The following TM4SF5 variants were observed in gnomAD, a reference collection of about 807,000 sequenced individuals.
TM4SF5 encodes the protein transmembrane 4 L six family member 5.
A neutral mutation model predicts 22.3 loss-of-function variants in TM4SF5; 16 were observed. The ratio of observed to expected loss-of-function variants is 0.72; its 90% CI spans 0.49 to 1.09. TM4SF5 has a LOEUF of 1.09. TM4SF5 is among the 50% of genes least tolerant of loss of function. The pLI is 0.00. For synonymous variants in TM4SF5, 113 were observed against 109.6 expected, an observed-to-expected ratio of 1.03 and a Z score of -0.19; for missense variants, 249 against 266.1, an observed-to-expected ratio of 0.94 and a Z score of 0.45.
chr17:4,776,111 A>G (rs570348575), intron 1 of TM4SF5, among the ~76,000 whole-genome samples: 39 of 151,740 alleles, frequency 2.6e-4, no homozygotes, highest in African/African-American at 9.2e-4. Flanking sequence ...GGCCTCCCCA[A>G]GTGCTGGGAT....
intron 1 of TM4SF5, among the ~76,000 whole-genome samples, chr17:4,773,107 G>T (rs977828837): frequency 6.6e-6 from 1 of 152,040 alleles, no homozygotes; most frequent in Non-Finnish European, 1.5e-5. Context: ...GTTTCGCCAC[G>T]TTGGCTAGGC....
intron 1 of TM4SF5, among the ~76,000 whole-genome samples, chr17:4,772,336 G>T (rs117027391): frequency 6.6e-6 from 1 of 152,154 alleles, no homozygotes; most frequent in Non-Finnish European, 1.5e-5. Context: ...CTCCCCTACC[G>T]GGTAGGGAGC....
chr17:4,782,288 A>G (rs1376147712), intron 2 of TM4SF5, among the ~76,000 whole-genome samples: 1 of 151,940 alleles, frequency 6.6e-6, no homozygotes, highest in African/African-American at 2.4e-5. Context: ...CATGTTGGCC[A>G]GGCTGGTCTT....
intron 1 of TM4SF5, among the ~76,000 whole-genome samples, chr17:4,779,685 C>T (rs965812935): frequency 3.3e-5 from 5 of 152,132 alleles, no homozygotes; most frequent in African/African-American, 1.2e-4. Flanking sequence ...ATTTTTTCCA[C>T]TGATGGAGAC....
At chr17:4,780,660 G>C in intron 1 of TM4SF5, 129 bp from the exon 2 acceptor site, 1 of 610,760 alleles carries the variant, frequency 1.6e-6, no homozygotes, top group Non-Finnish European at 2.8e-6. Flanking sequence ...GAGACGTAGA[G>C]ATAAGGTCTT....
At chr17:4,776,288 T>TTTG (rs1017263243) in intron 1 of TM4SF5, among the ~76,000 whole-genome samples, 1 of 151,848 alleles carries the variant, frequency 6.6e-6, no homozygotes, top group African/African-American at 2.4e-5. Flanking sequence ...TGTTTGTTTG[T>TTTG]TTTTTTGCTT....
intron 1 of TM4SF5, among the ~76,000 whole-genome samples, chr17:4,774,482 T>C (rs920810745): frequency 7.5e-5 from 11 of 147,556 alleles, no homozygotes; most frequent in Admixed American, 2.0e-4. Context: ...AAATGAAAGA[T>C]TGCAGTGAGC....
intron 1 of TM4SF5, among the ~76,000 whole-genome samples, chr17:4,779,061 A>G (rs928655800): frequency 1.3e-5 from 2 of 151,790 alleles, no homozygotes; most frequent in Non-Finnish European, 2.9e-5. Flanking sequence ...GTCTCAAAAA[A>G]AAAAAAAAAA....
intron 3 of TM4SF5, 48 bp downstream of exon 3, chr17:4,782,687 C>T: frequency 6.2e-7 from 1 of 1,606,872 alleles, no homozygotes; most frequent in Non-Finnish European, 8.5e-7. Flanking sequence ...CCTCTTCCCT[C>T]CCGCCCTTCC....
intron 1 of TM4SF5, among the ~76,000 whole-genome samples, chr17:4,773,852 T>C (rs951000357): frequency 3.3e-5 from 5 of 152,118 alleles, no homozygotes; most frequent in Non-Finnish European, 7.3e-5. Context: ...CGGAGCTCCC[T>C]GAGTCTGCCT....
intron 1 of TM4SF5, among the ~76,000 whole-genome samples, chr17:4,774,002 G>A (rs1250183224): frequency 1.3e-5 from 2 of 152,192 alleles, no homozygotes; most frequent in African/African-American, 4.8e-5. Context: ...AATCACCTGA[G>A]GTCAGGAGTT....
chr17:4,774,631 G>A (rs1917175569), intron 1 of TM4SF5, among the ~76,000 whole-genome samples: 1 of 152,204 alleles, frequency 6.6e-6, no homozygotes, highest in Admixed American at 6.5e-5. Context: ...CCATCGGCCG[G>A]GCGCAGTGGC....
At chr17:4,774,165 T>C (rs1787590846) in intron 1 of TM4SF5, among the ~76,000 whole-genome samples, 3 of 152,182 alleles carry the variant, frequency 2.0e-5, no homozygotes, top group Non-Finnish European at 4.4e-5. Flanking sequence ...TGAGGCGAGA[T>C]TGCGCCATTG....
chr17:4,783,167 G>GCCGCCT lies in TM4SF5; in HGVS notation c.*39_*40insCCGCCT. On this transcript the variant is annotated 3_prime_UTR_variant, in exon 5 of 5. Transcript: ENST00000270560. ...GCCGGGTTACACCTGCTCCTTCCTG[G>GCCGCCT]ACGCTCACTCCCTTGCTCGCTAGAA... 6.4e-7 allele frequency: 1 copy of GCCGCCT among 1,555,434 alleles called. No individual in the cohort carries two copies. The highest frequency in any genetic ancestry group is 1.1e-5 in the South Asian group (1 of 87,908).
At position 4,782,491 on chromosome 17, in the gene TM4SF5, C is replaced by T. The variant is rs186954545; in HGVS notation, c.259-12C>T. 2,280 of 1,613,796 alleles carry T rather than the reference C, an allele frequency of 1.4e-3. 19 individuals carry two copies. Among genetic ancestry groups the T allele is most frequent in the Non-Finnish European group, 3.3e-4 (384 of 1,179,888 alleles). ...AGATTGGGCCTTACCTCCCCTTCCA[C>T]ACCACATCCAGATGCTGCGCTCGGT... is the stretch of plus-strand genomic sequence containing the variant. On this transcript the variant is annotated splice_polypyrimidine_tract_variant and intron_variant, in intron 2 of 4. Transcript: ENST00000270560.
chr17:4,783,206 G>T lies in TM4SF5; in HGVS notation c.*78G>T. The T allele has an allele frequency of 1.3e-6, 2 of 1,591,036 alleles. No individual in the cohort carries two copies. Among genetic ancestry groups the T allele is most frequent in the South Asian group, 1.1e-5 (1 of 89,968 alleles). On this transcript the variant is annotated 3_prime_UTR_variant, in exon 5 of 5. Coordinates refer to ENST00000270560, the MANE Select transcript of TM4SF5 (RefSeq NM_003963.3). The stretch of plus-strand genomic sequence containing the variant: ...TGCTCGCTAGAATAAACTGCTTTGC[G>T]CTCTCTTCTCTGTCTGAGATTGTGC...
At chr17:4,778,276 C>T (rs1373451738) in intron 1 of TM4SF5, among the ~76,000 whole-genome samples, 1 of 152,004 alleles carries the variant, frequency 6.6e-6, no homozygotes, top group African/African-American at 2.4e-5. Flanking sequence ...CAGCCCTTTC[C>T]CTGGAGAAGC....
At position 4,775,995 on chromosome 17, in the gene TM4SF5, C is replaced by A. The variant is rs1480523767; in HGVS notation, c.177+3896C>A. On this transcript the variant is annotated intron_variant, in intron 1 of 4. Coordinates refer to ENST00000270560, the MANE Select transcript of TM4SF5 (RefSeq NM_003963.3). ...GAGTAGCTGGGGTTACAGGCATGAG[C>A]CACCACGCCTGGCTAATTTTTGTAT... Among the ~76,000 whole-genome samples, 3 of 152,048 alleles carry A rather than the reference C, an allele frequency of 2.0e-5. No homozygotes were observed. In the East Asian group the frequency reaches 5.8e-4, roughly 29 times the overall value.
chr17:4,780,932 C>A (rs1044267310), intron 2 of TM4SF5, 63 bp downstream of exon 2: 10 of 1,433,870 alleles, frequency 7.0e-6, no homozygotes, highest in Non-Finnish European at 9.7e-6. Context: ...GTAATCCCAA[C>A]ACTTTAGCAG....
Sources: gnomAD v4.1 joint callset for allele counts (sites outside exome capture counted in the v4.1 genomes callset) on GRCh38, gnomAD v4.1.1 for gene constraint, MANE v1.5 for transcripts, NCBI Gene and HGNC (gene_info 2026-07-23, HGNC 2026-07-21) for gene names.